JAML: variants seen among roughly 807,000 people sequenced by gnomAD.
The protein encoded by JAML is junctional adhesion molecule-like.
A neutral mutation model predicts 39.3 loss-of-function variants in JAML; 25 were observed. The ratio of observed to expected loss-of-function variants is 0.64; its 90% CI spans 0.46 to 0.89. The LOEUF (loss-of-function observed/expected upper bound fraction) is 0.89, where lower values mean the gene tolerates loss of function less well. Ranked by LOEUF, JAML falls within the 40% of genes least tolerant of loss-of-function variation. JAML has a pLI of 0.00. For synonymous variants in JAML, 162 were observed against 179.2 expected, an observed-to-expected ratio of 0.90 and a Z score of 0.77; for missense variants, 440 against 486.9, an observed-to-expected ratio of 0.90 and a Z score of 0.91.
chr11:118,217,446 C>A (rs145342465), intron 1 of JAML, among the ~76,000 whole-genome samples: 1 of 152,202 alleles, frequency 6.6e-6, no homozygotes, highest in Non-Finnish European at 1.5e-5. Context: ...CCTACATACT[C>A]GGATGCACCT....
At position 118,210,592 on chromosome 11, in the gene JAML, G is replaced by A. The variant is rs749658607; in HGVS notation, c.319C>T (p.Gln107Ter). The A allele has an allele frequency of 1.2e-6, 2 of 1,614,208 alleles. No individual in the cohort carries two copies. Among genetic ancestry groups the A allele is most frequent in the Non-Finnish European group, 1.7e-6 (2 of 1,180,034 alleles). The change falls in exon 4 of 10, where the codon CAA (glutamine) becomes TAA (stop). Residue 107 changes from glutamine to a stop codon, truncating the protein, a stop_gained. Coordinates refer to ENST00000356289, the MANE Select transcript of JAML (RefSeq NM_001098526.2). LOFTEE classifies it high-confidence loss of function. ...NDGSLLLQDV[Q>*]EADQGTYICE... Reference sequence around the variant, plus strand: ...ATATAGGTTCCCTGGTCAGCCTCTTGCACATCTTGGAGCAGGAGAGAGCCA... The same window carrying A: ...ATATAGGTTCCCTGGTCAGCCTCTTACACATCTTGGAGCAGGAGAGAGCCA...
At chr11:118,209,162 G>A (rs1948988842) in intron 4 of JAML, 2 of 309,226 alleles carry the variant, frequency 6.5e-6, no homozygotes, top group Admixed American at 3.4e-5. Flanking sequence ...GCCTCCTTTG[G>A]TTACAGTCTC....
At chr11:118,202,504 G>A (rs1948824181) in intron 6 of JAML, 1 of 175,366 alleles carries the variant, frequency 5.7e-6, no homozygotes, top group Admixed American at 5.4e-5. Flanking sequence ...GCCCAGAGCA[G>A]AAGGGACCTT....
At chr11:118,215,516 T>TA (rs1283871457) in intron 1 of JAML, among the ~76,000 whole-genome samples, 2 of 148,318 alleles carry the variant, frequency 1.3e-5, no homozygotes, top group African/African-American at 5.0e-5. Flanking sequence ...CACTTGCTAT[T>TA]TTTTTTTTTT....
Position 118,212,454 on chromosome 11 carries a change from A to G in JAML, c.151T>C (p.Cys51Arg). Residue 51 changes from cysteine to arginine, a missense_variant, in exon 3 of 10, where the codon TGT becomes CGT. Cys to Arg is a radical substitution (Grantham distance 180, BLOSUM62 -3). Coordinates refer to ENST00000356289, the MANE Select transcript of JAML (RefSeq NM_001098526.2). ...GCVFQSTEDK[C>R]IFKIDWTLSP... ...AGAGTCCAGTCTATCTTGAATATACATTTGTCTTCTGTGCTCTGGAAAACA... is the reference window on the plus strand; with the variant it reads ...AGAGTCCAGTCTATCTTGAATATACGTTTGTCTTCTGTGCTCTGGAAAACA... 3 of 1,614,102 alleles carry G rather than the reference A, an allele frequency of 1.9e-6. No homozygotes were observed. Among genetic ancestry groups the G allele is most frequent in the South Asian group, 2.2e-5 (2 of 91,082 alleles).
At chr11:118,200,437 C>T (rs570537310) in intron 7 of JAML, 37 bp downstream of exon 7, 3 of 1,611,628 alleles carry the variant, frequency 1.9e-6, no homozygotes, top group South Asian at 1.1e-5. Context: ...CTTGCACCCC[C>T]AGCCTCCCAA....
intron 2 of JAML, 170 bp from the exon 3 acceptor site, chr11:118,212,731 C>A (rs1949087641): frequency 1.3e-6 from 2 of 1,522,114 alleles, no homozygotes; most frequent in African/African-American, 2.8e-5. Context: ...CTCTAGTTAC[C>A]TATATGGCTC....
intron 1 of JAML, 95 bp downstream of exon 1, chr11:118,224,846 G>A (rs1949246590): frequency 6.6e-6 from 1 of 152,184 alleles, no homozygotes; most frequent in Admixed American, 6.5e-5. Flanking sequence ...TCACAATCCT[G>A]AGAGACTACC....
At chr11:118,203,331 A>G in intron 6 of JAML, 97 bp downstream of exon 6, 1 of 1,132,334 alleles carries the variant, frequency 8.8e-7, no homozygotes, top group Non-Finnish European at 1.3e-6. Flanking sequence ...GCCTCCTTCA[A>G]TTTTGCATCC....
intron 1 of JAML, among the ~76,000 whole-genome samples, chr11:118,221,650 C>T: frequency 6.6e-6 from 1 of 152,236 alleles, no homozygotes; most frequent in East Asian, 1.9e-4. Flanking sequence ...TGGACCAGTG[C>T]CAGTCTACTG....
At chr11:118,221,677 C>A (rs997640191) in intron 1 of JAML, among the ~76,000 whole-genome samples, 1 of 152,200 alleles carries the variant, frequency 6.6e-6, no homozygotes, top group Non-Finnish European at 1.5e-5. Flanking sequence ...GGTTGGGGAC[C>A]CCTGCTGTAG....
intron 4 of JAML, 125 bp downstream of exon 4, chr11:118,210,362 A>G: frequency 1.5e-6 from 1 of 678,780 alleles, no homozygotes; most frequent in Non-Finnish European, 2.4e-6. Context: ...TCATTTTTTG[A>G]AGATTCACTC....
At chr11:118,215,508 C>T (rs1176563308) in intron 1 of JAML, among the ~76,000 whole-genome samples, 1 of 149,568 alleles carries the variant, frequency 6.7e-6, no homozygotes, top group Non-Finnish European at 1.5e-5. Flanking sequence ...CTACACCACA[C>T]TTGCTATTTT....
chr11:118,195,753 C>A (rs1427172578), intron 9 of JAML, among the ~76,000 whole-genome samples: 1 of 152,130 alleles, frequency 6.6e-6, no homozygotes, highest in Non-Finnish European at 1.5e-5. Context: ...CCTACTTTGA[C>A]CTTTTGATAG....
rs149091894 is a variant in JAML at position 118,205,890 on chromosome 11, G to A, written c.526C>T (p.Arg176Cys). Residue 176 changes from arginine (R) to cysteine (C), a missense_variant, in exon 5 of 10, where the codon CGC (arginine) becomes TGC (cysteine). Arg to Cys is a radical substitution (Grantham distance 180). Coordinates refer to ENST00000356289, the MANE Select transcript of JAML (RefSeq NM_001098526.2). ...TGTTTCCTCCTTGTTACCTTTGCGC[G>A]CCGTCCTGAAAATATCCATTCTACC... ...TKVEWIFSGR[R>C]AKEEIVFRYY... 1,361 of 1,613,582 alleles carry A rather than the reference G, an allele frequency of 8.4e-4. 1 individual carries two copies. The highest frequency in any genetic ancestry group is 1.1e-3 in the Non-Finnish European group (1,275 of 1,179,596).
intron 1 of JAML, among the ~76,000 whole-genome samples, chr11:118,216,240 G>A (rs1372732572): frequency 4.6e-5 from 7 of 151,926 alleles, no homozygotes; most frequent in Non-Finnish European, 1.0e-4. Flanking sequence ...GCATGGTGGC[G>A]GCCGCCTGTA....
At chr11:118,208,120 A>G (rs1271391240) in intron 4 of JAML, among the ~76,000 whole-genome samples, 1 of 151,948 alleles carries the variant, frequency 6.6e-6, no homozygotes. Flanking sequence ...GGACCTAGCT[A>G]CTCGGGAAGT....
At chr11:118,219,693 A>T (rs1165379029) in intron 1 of JAML, among the ~76,000 whole-genome samples, 1 of 152,208 alleles carries the variant, frequency 6.6e-6, no homozygotes, top group African/African-American at 2.4e-5. Context: ...TGCCGGTGAC[A>T]TCGGCCCTAG....
rs777112471 is a variant in JAML, at chr11:118,196,755, C to T, written c.1072G>A (p.Glu358Lys). The T allele has an allele frequency of 1.2e-6, 2 of 1,612,512 alleles. No homozygotes were observed. The highest frequency in any genetic ancestry group is 2.2e-5 in the East Asian group (1 of 44,880). The change falls in exon 9 of 10, where the codon GAG becomes AAG. Residue 358 changes from glutamate (E) to lysine (K), a missense_variant. Transcript: ENST00000356289. ...IEEEEPSEKSEATYMTMHPVW... is the reference protein window; with the variant it reads ...IEEEEPSEKSKATYMTMHPVW... Reference sequence around the variant, plus strand: ...CTCACCATGGTCATGTAGGTGGCCTCTGATTTTTCACTTGGTTCTTCTTCC... The same window carrying T: ...CTCACCATGGTCATGTAGGTGGCCTTTGATTTTTCACTTGGTTCTTCTTCC...
Sources: gnomAD v4.1 joint callset for allele counts (sites outside exome capture counted in the v4.1 genomes callset) on GRCh38, gnomAD v4.1.1 for gene constraint, MANE v1.5 for transcripts, NCBI Gene and HGNC (gene_info 2026-07-23, HGNC 2026-07-21) for gene names.